The following FHIT variants were observed in gnomAD, a reference collection of about 807,000 sequenced individuals.
FHIT encodes fragile histidine triad diadenosine triphosphatase, also known as bis(5'-adenosyl)-triphosphatase.
A neutral mutation model predicts 17.9 loss-of-function variants in FHIT; 19 were observed. The ratio of observed to expected loss-of-function variants is 1.06; its 90% CI spans 0.74 to 1.56. The LOEUF (loss-of-function observed/expected upper bound fraction) is 1.56. FHIT is among the 40% of genes most tolerant of loss of function. The pLI, the probability that FHIT is intolerant of heterozygous loss-of-function variation, is 0.00. For synonymous variants in FHIT, 81 were observed against 69.7 expected (o/e 1.16, Z -0.81); for missense variants, 248 against 189.2 (o/e 1.31, Z -1.82).
intron 1 of FHIT, among the ~76,000 whole-genome samples, chr3:61,202,949 G>C (rs1240044120): frequency 6.6e-6 from 1 of 152,038 alleles, no homozygotes; most frequent in Non-Finnish European, 1.5e-5. Flanking sequence ...GGGAGGCCGA[G>C]GCAGGCAGAT....
At chr3:59,922,167 G>A (rs533532571) in intron 8 of FHIT, among the ~76,000 whole-genome samples, 179 bp downstream of exon 8, 7 of 152,238 alleles carry the variant, frequency 4.6e-5, no homozygotes, top group African/African-American at 1.7e-4. Context: ...TAATTAATTA[G>A]TCATGGGTTC....
At chr3:59,816,661 C>T (rs1282889755) in intron 8 of FHIT, among the ~76,000 whole-genome samples, 1 of 152,268 alleles carries the variant, frequency 6.6e-6, no homozygotes, top group East Asian at 1.9e-4. Flanking sequence ...AAGTCCTATC[C>T]TACCAGATCA....
At chr3:60,006,943 T>C (rs1699948904) in intron 7 of FHIT, among the ~76,000 whole-genome samples, 2 of 152,196 alleles carry the variant, frequency 1.3e-5, no homozygotes, top group African/African-American at 4.8e-5. Context: ...CAAATAATTA[T>C]CTTCTTCTTC....
intron 5 of FHIT, among the ~76,000 whole-genome samples, chr3:60,306,146 T>C (rs1353546): frequency 0.56 from 85,501 of 151,874 alleles, 25,099 homozygotes; most frequent in East Asian, 0.96. Flanking sequence ...ATCACTGTTG[T>C]GAAGGAAAAC....
At chr3:61,149,998 T>C (rs2037339235) in intron 2 of FHIT, among the ~76,000 whole-genome samples, 1 of 152,166 alleles carries the variant, frequency 6.6e-6, no homozygotes. Flanking sequence ...CCCTCTCCAG[T>C]TAATTTACCA....
intron 5 of FHIT, among the ~76,000 whole-genome samples, chr3:60,103,998 A>C (rs528352471): frequency 1.3e-5 from 2 of 152,282 alleles, no homozygotes; most frequent in East Asian, 3.9e-4. Flanking sequence ...TGCTCCTATC[A>C]GATATGGGCT....
At chr3:60,187,439 T>C (rs899513222) in intron 5 of FHIT, among the ~76,000 whole-genome samples, 9 of 152,202 alleles carry the variant, frequency 5.9e-5, no homozygotes, top group African/African-American at 1.7e-4. Context: ...GATTGTTCCA[T>C]TGCTGGTGCC....
intron 4 of FHIT, among the ~76,000 whole-genome samples, chr3:60,566,476 T>A (rs947383636): frequency 6.6e-6 from 1 of 152,112 alleles, no homozygotes; most frequent in African/African-American, 2.4e-5. Context: ...ATAAGAGCTA[T>A]CTATGACCAA....
intron 8 of FHIT, among the ~76,000 whole-genome samples, chr3:59,830,861 G>C (rs17296496): frequency 0.057 from 8,729 of 152,210 alleles, 310 homozygotes; most frequent in Non-Finnish European, 0.078. Context: ...TTTTCACTGG[G>C]TGATTTATAT....
At chr3:60,131,052 TAC>T (rs1322696834) in intron 5 of FHIT, among the ~76,000 whole-genome samples, 1 of 72,594 alleles carries the variant, frequency 1.4e-5, no homozygotes, top group Admixed American at 1.6e-4. Flanking sequence ...TACACATATA[TAC>T]ATACATACAC....
chr3:60,521,913 T>C (rs1356523836), intron 5 of FHIT, among the ~76,000 whole-genome samples: 8 of 152,212 alleles, frequency 5.3e-5, no homozygotes, highest in Middle Eastern at 3.4e-3. Flanking sequence ...TGAGAGAGCC[T>C]TGTAACCATC....
At chr3:60,761,707 C>T (rs1553719961) in intron 4 of FHIT, among the ~76,000 whole-genome samples, 1 of 149,034 alleles carries the variant, frequency 6.7e-6, no homozygotes, top group East Asian at 2.0e-4. Context: ...TCAACTGTGA[C>T]AATGATAGTG....
At chr3:59,953,474 G>T (rs1172704682) in intron 7 of FHIT, among the ~76,000 whole-genome samples, 2 of 152,136 alleles carry the variant, frequency 1.3e-5, no homozygotes, top group Non-Finnish European at 2.9e-5. Flanking sequence ...AGGTATGCCA[G>T]CGCTGCCCTC....
intron 2 of FHIT, among the ~76,000 whole-genome samples, chr3:61,196,752 G>C (rs1056298342): frequency 6.6e-5 from 10 of 152,178 alleles, no homozygotes; most frequent in Non-Finnish European, 1.3e-4. Flanking sequence ...GCAGTTACCA[G>C]ACAGTAGAAA....
chr3:59,817,963 A>G (rs1700660670), intron 8 of FHIT, among the ~76,000 whole-genome samples: 1 of 152,148 alleles, frequency 6.6e-6, no homozygotes, highest in South Asian at 2.1e-4. Flanking sequence ...GGGGGAAGAA[A>G]GAGAGGAAGG....
At chr3:60,047,057 T>C (rs926606681) in intron 5 of FHIT, among the ~76,000 whole-genome samples, 4 of 152,354 alleles carry the variant, frequency 2.6e-5, no homozygotes, top group African/African-American at 7.2e-5. Context: ...ACTGAAGAGA[T>C]TGCATTCACA....
At chr3:60,851,330 C>G (rs1415086124) in intron 3 of FHIT, among the ~76,000 whole-genome samples, 1 of 152,070 alleles carries the variant, frequency 6.6e-6, no homozygotes, top group Non-Finnish European at 1.5e-5. Flanking sequence ...GATCAAGGAT[C>G]AGATGAAGTC....
At chr3:60,096,614 A>G (rs1452774248) in intron 5 of FHIT, among the ~76,000 whole-genome samples, 1 of 152,146 alleles carries the variant, frequency 6.6e-6, no homozygotes, top group Non-Finnish European at 1.5e-5. Flanking sequence ...CCTCAGAGTC[A>G]TCTGTTCATC....
intron 3 of FHIT, among the ~76,000 whole-genome samples, chr3:60,841,166 T>G (rs1325056264): frequency 6.6e-6 from 1 of 152,248 alleles, no homozygotes; most frequent in East Asian, 1.9e-4. Context: ...TCTGAATATT[T>G]AACTACCCTA....
Sources: allele counts gnomAD v4.1 joint callset (sites outside exome capture counted in the v4.1 genomes callset), GRCh38; gene constraint gnomAD v4.1.1; transcripts MANE v1.5; gene names NCBI Gene and HGNC (gene_info 2026-07-23, HGNC 2026-07-21).